The following MINDY3 variants were observed in gnomAD, a reference collection of about 807,000 sequenced individuals.
MINDY3 encodes the protein ubiquitin carboxyl-terminal hydrolase MINDY-3.
Under a neutral mutation model 69.2 loss-of-function variants are expected in MINDY3, and 38 were observed. The observed-to-expected ratio is 0.55, with a 90% CI of 0.42 to 0.72. The LOEUF is 0.72. MINDY3 is among the 30% of genes least tolerant of loss of function. MINDY3 has a pLI of 0.00. For synonymous variants in MINDY3, 192 were observed against 180.1 expected (o/e 1.07, Z -0.53); for missense variants, 522 against 519.0 (o/e 1.01, Z -0.06).
chr10:15,793,003 A>AC (rs1409408851), intron 11 of MINDY3, among the ~76,000 whole-genome samples: 25 of 152,172 alleles, frequency 1.6e-4, no homozygotes, highest in African/African-American at 4.8e-4. Context: ...AACTCGTCCA[A>AC]CATCACACAG....
intron 1 of MINDY3, among the ~76,000 whole-genome samples, chr10:15,859,807 T>C (rs1246728251): frequency 2.6e-5 from 4 of 152,140 alleles, no homozygotes; most frequent in South Asian, 2.1e-4. Context: ...TCACCAAAAA[T>C]AGACCAACCA....
In MINDY3 at chr10:15,837,325, G is replaced by GA. The variant is rs778209018; in HGVS notation, c.462-8dup. ...ACTTCTGAACGATCTTTTTCTGGGG[G>GA]AAAAAAAGAATTAAGTATTGGTATC... is the stretch of plus-strand genomic sequence containing the variant. On this transcript the variant is annotated splice_polypyrimidine_tract_variant and splice_region_variant and intron_variant, in intron 5 of 14. Coordinates refer to ENST00000277632, the MANE Select transcript of MINDY3 (RefSeq NM_024948.4). 5.1e-5 allele frequency: 80 copies of GA among 1,558,810 alleles called. No homozygotes were observed. In the African/African-American group the frequency reaches 1.1e-3, roughly 21 times the overall value.
intron 8 of MINDY3, among the ~76,000 whole-genome samples, chr10:15,825,265 G>GA (rs986698387): frequency 3.3e-5 from 5 of 152,144 alleles, no homozygotes; most frequent in Admixed American, 6.5e-5. Flanking sequence ...TTCCAAATCT[G>GA]AAAAAAATCG....
At chr10:15,795,043 A>AAACACAACAC (rs141243918) in intron 11 of MINDY3, among the ~76,000 whole-genome samples, 2,283 of 152,152 alleles carry the variant, frequency 0.015, 48 homozygotes, top group African/African-American at 0.049. Context: ...TAGTAAAACA[A>AAACACAACAC]AACACAACAC....
chr10:15,827,176 TAA>T (rs56332799), intron 8 of MINDY3, among the ~76,000 whole-genome samples: 92 of 44,844 alleles, frequency 2.1e-3, no homozygotes, highest in Middle Eastern at 0.019. Context: ...ATAACAGGAG[TAA>T]AAAAAAAAAA....
At chr10:15,804,860 C>A (rs965147083) in intron 10 of MINDY3, among the ~76,000 whole-genome samples, 2 of 152,054 alleles carry the variant, frequency 1.3e-5, no homozygotes, top group Admixed American at 6.5e-5. Flanking sequence ...GGATGGTGGT[C>A]TTTTCTCTTA....
intron 1 of MINDY3, among the ~76,000 whole-genome samples, chr10:15,850,324 T>C (rs934024266): frequency 6.6e-6 from 1 of 152,236 alleles, no homozygotes; most frequent in Non-Finnish European, 1.5e-5. Flanking sequence ...AGCAACAGGA[T>C]GGCTGCAGTG....
At position 15,805,996 on chromosome 10, in the gene MINDY3, C is replaced by T. The variant is rs74797257; in HGVS notation, c.883-9824G>A. ...AAAACATTCTCAAATTCCTTTTTGC[C>T]ATCACCACGTGCAGACAAATCTGAA... On this transcript the variant is annotated intron_variant, in intron 10 of 14. Transcript: ENST00000277632. 4.6e-3 allele frequency among the ~76,000 whole-genome samples: 704 copies of T among 152,078 alleles called. 5 individuals are homozygous for T. Among genetic ancestry groups the T allele is most frequent in the South Asian group, 0.015 (70 of 4,820 alleles).
chr10:15,832,256 T>G (rs918432839), intron 8 of MINDY3, among the ~76,000 whole-genome samples: 1 of 152,022 alleles, frequency 6.6e-6, no homozygotes, highest in Non-Finnish European at 1.5e-5. Flanking sequence ...GAGGGCCAAG[T>G]GGGATGAGGC....
At chr10:15,858,749 T>C (rs1834870577) in intron 1 of MINDY3, among the ~76,000 whole-genome samples, 1 of 152,224 alleles carries the variant, frequency 6.6e-6, no homozygotes, top group Non-Finnish European at 1.5e-5. Flanking sequence ...CTGAATATTA[T>C]CTTATTCTAC....
chr10:15,823,711 G>T (rs965929019), intron 8 of MINDY3, among the ~76,000 whole-genome samples: 33 of 151,990 alleles, frequency 2.2e-4, no homozygotes, highest in Admixed American at 2.0e-3. Flanking sequence ...TAAGCATAGT[G>T]ATCTTACTCT....
intron 11 of MINDY3, among the ~76,000 whole-genome samples, chr10:15,792,889 C>G (rs1837527434): frequency 6.6e-6 from 1 of 151,962 alleles, no homozygotes; most frequent in Non-Finnish European, 1.5e-5. Flanking sequence ...AGCTCTGTGC[C>G]ACACATTTTT....
chr10:15,827,407 G>A (rs1425124084), intron 8 of MINDY3, among the ~76,000 whole-genome samples: 1 of 151,790 alleles, frequency 6.6e-6, no homozygotes, highest in Non-Finnish European at 1.5e-5. Flanking sequence ...TGGGCATGGT[G>A]GCATATACCT....
Position 15,824,277 on chromosome 10 carries a change from C to T in MINDY3, c.731-2551G>A, listed in dbSNP as rs556213869. On this transcript the variant is annotated intron_variant, in intron 8 of 14. Transcript: ENST00000277632. ...ATAGGAGTTCTCTTTTCTCTATCTTCGCCACACTTTTGTTGTTTTTTAACA... is the reference window on the plus strand; with the variant it reads ...ATAGGAGTTCTCTTTTCTCTATCTTTGCCACACTTTTGTTGTTTTTTAACA... Among the ~76,000 whole-genome samples the T allele has an allele frequency of 1.9e-4, 29 of 152,238 alleles. No homozygotes were observed. In the East Asian group the frequency reaches 4.3e-3, roughly 22 times the overall value.
At chr10:15,817,047 A>G (rs997781950) in intron 9 of MINDY3, 132 bp from the exon 10 acceptor site, 1 of 677,902 alleles carries the variant, frequency 1.5e-6, no homozygotes, top group African/African-American at 1.8e-5. Context: ...GTGCCCGAGC[A>G]CTTCACCCAT....
intron 10 of MINDY3, among the ~76,000 whole-genome samples, chr10:15,796,496 AAAAC>A (rs954601117): frequency 6.6e-6 from 1 of 151,800 alleles, no homozygotes; most frequent in African/African-American, 2.4e-5. Context: ...AACAAAAAAC[AAAAC>A]AAACACAAAA....
chr10:15,856,494 A>G (rs1165203051), intron 1 of MINDY3, among the ~76,000 whole-genome samples: 1 of 152,076 alleles, frequency 6.6e-6, no homozygotes, highest in Non-Finnish European at 1.5e-5. Context: ...TAGGAGAAAC[A>G]ATAAAATAAC....
At chr10:15,815,328 T>C (rs896414500) in intron 10 of MINDY3, among the ~76,000 whole-genome samples, 8 of 152,238 alleles carry the variant, frequency 5.3e-5, no homozygotes, top group Admixed American at 2.0e-4. Flanking sequence ...TTTCCGTGCT[T>C]GAGAAAAGGC....
At chr10:15,796,309 G>A (rs1486016757) in intron 10 of MINDY3, 137 bp from the exon 11 acceptor site, 13 of 677,316 alleles carry the variant, frequency 1.9e-5, no homozygotes, top group African/African-American at 1.6e-4. Context: ...GATGTGTAAC[G>A]AGATAGGTCA....
Sources: gnomAD v4.1 joint callset for allele counts (sites outside exome capture counted in the v4.1 genomes callset) on GRCh38, gnomAD v4.1.1 for gene constraint, MANE v1.5 for transcripts, NCBI Gene and HGNC (gene_info 2026-07-23, HGNC 2026-07-21) for gene names.